RABGAP1L: variants seen among roughly 807,000 people sequenced by gnomAD.
RABGAP1L encodes the protein RAB GTPase activating protein 1 like.
Under a neutral mutation model 137.7 loss-of-function variants are expected in RABGAP1L, and 63 were observed. The ratio of observed to expected loss-of-function variants is 0.46; its 90% CI spans 0.37 to 0.56. The LOEUF is 0.56. RABGAP1L is among the 20% of genes least tolerant of loss of function. The pLI, the probability that RABGAP1L is intolerant of heterozygous loss-of-function variation, is 0.00. For synonymous variants in RABGAP1L, 431 were observed against 433.7 expected, an observed-to-expected ratio of 0.99 and a Z score of 0.08; for missense variants, 1,095 against 1,244.0, an observed-to-expected ratio of 0.88 and a Z score of 1.80.
At chr1:174,756,521 A>C (rs902692018) in intron 18 of RABGAP1L, among the ~76,000 whole-genome samples, 1 of 152,034 alleles carries the variant, frequency 6.6e-6, no homozygotes, top group Non-Finnish European at 1.5e-5. Flanking sequence ...TTACAAGGAC[A>C]GTGACTTTTC....
intron 17 of RABGAP1L, among the ~76,000 whole-genome samples, chr1:174,713,415 G>T (rs901347679): frequency 6.6e-6 from 1 of 152,188 alleles, no homozygotes; most frequent in African/African-American, 2.4e-5. Context: ...TCCATTGCTG[G>T]AGGTGAGGCC....
intron 11 of RABGAP1L, among the ~76,000 whole-genome samples, chr1:174,316,802 T>G (rs1288999179): frequency 6.6e-6 from 1 of 152,106 alleles, no homozygotes; most frequent in Non-Finnish European, 1.5e-5. Context: ...GTCAGGGACC[T>G]TAGAATTCTA....
chr1:174,708,937 T>C (rs369526905), intron 17 of RABGAP1L, among the ~76,000 whole-genome samples: 1 of 152,204 alleles, frequency 6.6e-6, no homozygotes, highest in Non-Finnish European at 1.5e-5. Flanking sequence ...AAATTCTCAC[T>C]GCCAGCACAG....
chr1:174,635,714 A>G (rs1446789973), intron 13 of RABGAP1L, among the ~76,000 whole-genome samples: 1 of 152,138 alleles, frequency 6.6e-6, no homozygotes, highest in African/African-American at 2.4e-5. Context: ...GATTTGTAAT[A>G]TGTTCAATGT....
intron 13 of RABGAP1L, among the ~76,000 whole-genome samples, chr1:174,622,458 T>C (rs545508450): frequency 6.6e-6 from 1 of 152,314 alleles, no homozygotes; most frequent in East Asian, 1.9e-4. Context: ...CCAACCCAAA[T>C]GTCCAACAAT....
chr1:174,883,550 GTGC>G (rs1654604677), intron 19 of RABGAP1L, among the ~76,000 whole-genome samples: 1 of 152,134 alleles, frequency 6.6e-6, no homozygotes, highest in Non-Finnish European at 1.5e-5. Context: ...CCTGAAGATG[GTGC>G]TGAAGATCTT....
intron 13 of RABGAP1L, chr1:174,548,388 A>C (rs1236178447): frequency 1.0e-6 from 1 of 1,003,772 alleles, no homozygotes; most frequent in East Asian, 7.7e-5. Flanking sequence ...CCATATATTT[A>C]AAACTATAAG....
At chr1:174,605,571 C>G (rs768837230) in intron 13 of RABGAP1L, among the ~76,000 whole-genome samples, 6 of 152,006 alleles carry the variant, frequency 3.9e-5, no homozygotes, top group Non-Finnish European at 5.9e-5. Context: ...TCCACTTGTT[C>G]AAAATTTAAT....
chr1:174,648,211 C>T (rs1176506199), intron 14 of RABGAP1L, among the ~76,000 whole-genome samples: 1 of 151,790 alleles, frequency 6.6e-6, no homozygotes, highest in Non-Finnish European at 1.5e-5. Flanking sequence ...TCCTTCAGTT[C>T]TGCTCTGATA....
chr1:174,582,855 A>G (rs1668845306), intron 13 of RABGAP1L, among the ~76,000 whole-genome samples: 1 of 152,170 alleles, frequency 6.6e-6, no homozygotes, highest in African/African-American at 2.4e-5. Context: ...TTTCCAAACC[A>G]TGGTGCTTCA....
At chr1:174,386,928 G>A (rs74465149) in intron 12 of RABGAP1L, among the ~76,000 whole-genome samples, 9,203 of 152,186 alleles carry the variant, frequency 0.06, 973 homozygotes, top group African/African-American at 0.21. Flanking sequence ...GAGAGATTAT[G>A]AGAATGGCAG....
intron 11 of RABGAP1L, among the ~76,000 whole-genome samples, chr1:174,339,241 A>C (rs560257514): frequency 1.2e-3 from 184 of 152,342 alleles, no homozygotes; most frequent in African/African-American, 4.2e-3. Flanking sequence ...CATGCAGCGC[A>C]AAAACTCAAA....
At chr1:174,638,053 G>A (rs1483568561) in intron 14 of RABGAP1L, among the ~76,000 whole-genome samples, 1 of 152,072 alleles carries the variant, frequency 6.6e-6, no homozygotes, top group African/African-American at 2.4e-5. Flanking sequence ...AGAAGATTCT[G>A]TCTCTGTCAG....
chr1:174,734,246 T>C (rs1316563360), intron 17 of RABGAP1L, among the ~76,000 whole-genome samples: 1 of 152,138 alleles, frequency 6.6e-6, no homozygotes, highest in East Asian at 1.9e-4. Flanking sequence ...TTGGGAGTTA[T>C]TAGTGTATGC....
At chr1:174,415,846 G>A (rs1558214776) in intron 13 of RABGAP1L, among the ~76,000 whole-genome samples, 2 of 151,768 alleles carry the variant, frequency 1.3e-5, no homozygotes, top group African/African-American at 4.8e-5. Context: ...AGTATTTGCA[G>A]GGGTGATTCT....
chr1:174,727,772 A>G (rs1467544755), intron 17 of RABGAP1L, among the ~76,000 whole-genome samples: 2 of 152,246 alleles, frequency 1.3e-5, no homozygotes, highest in African/African-American at 4.8e-5. Context: ...ATGTTTTGAA[A>G]CATCACATTG....
chr1:174,833,701 C>T (rs1160117372), intron 19 of RABGAP1L, among the ~76,000 whole-genome samples: 1 of 151,586 alleles, frequency 6.6e-6, no homozygotes, highest in African/African-American at 2.4e-5. Flanking sequence ...GTAGGCACTC[C>T]ATTCAGTTAT....
At chr1:174,487,227 T>C (rs1659757696) in intron 13 of RABGAP1L, among the ~76,000 whole-genome samples, 1 of 152,166 alleles carries the variant, frequency 6.6e-6, no homozygotes, top group Admixed American at 6.5e-5. Flanking sequence ...GGTGTTGAAG[T>C]CTCCAGCTGT....
intron 13 of RABGAP1L, among the ~76,000 whole-genome samples, chr1:174,633,562 GC>G (rs879685643): frequency 2.3e-4 from 33 of 145,676 alleles, no homozygotes; most frequent in Non-Finnish European, 4.0e-4. Context: ...CCAAAAAAGA[GC>G]CTGCATCACC....
Sources: gnomAD v4.1 joint callset for allele counts (sites outside exome capture counted in the v4.1 genomes callset) on GRCh38, gnomAD v4.1.1 for gene constraint, MANE v1.5 for transcripts, NCBI Gene and HGNC (gene_info 2026-07-23, HGNC 2026-07-21) for gene names.